CDK6: variants seen among roughly 807,000 people sequenced by gnomAD.
The protein encoded by CDK6 is cyclin dependent kinase 6, also known as cyclin-dependent kinase 6.
Under a neutral mutation model 37.1 loss-of-function variants are expected in CDK6, and 6 were observed. The observed-to-expected ratio is 0.16, with a 90% CI of 0.09 to 0.32. The LOEUF (loss-of-function observed/expected upper bound fraction) is 0.32, where lower values mean the gene tolerates loss of function less well. Among genes scored for constraint, CDK6 ranks in the 10% least tolerant of loss-of-function variants. The pLI, the probability that CDK6 is intolerant of heterozygous loss-of-function variation, is 1.00. For missense variants in CDK6, 224 were observed against 418.9 expected, an observed-to-expected ratio of 0.53 and a Z score of 4.06; for synonymous variants, 160 against 161.3, an observed-to-expected ratio of 0.99 and a Z score of 0.06.
intron 2 of CDK6, among the ~76,000 whole-genome samples, chr7:92,823,756 T>C (rs998834360): frequency 3.9e-5 from 6 of 152,144 alleles, no homozygotes; most frequent in African/African-American, 9.6e-5. Flanking sequence ...TAAAATGTAC[T>C]GGTCTGAGTA....
At chr7:92,742,580 A>C (rs1480906783) in intron 3 of CDK6, among the ~76,000 whole-genome samples, 2 of 152,198 alleles carry the variant, frequency 1.3e-5, no homozygotes, top group African/African-American at 4.8e-5. Flanking sequence ...TTTTACACTC[A>C]TCCCAAAATA....
intron 3 of CDK6, among the ~76,000 whole-genome samples, chr7:92,768,360 G>A (rs1036353981): frequency 2.0e-5 from 3 of 152,224 alleles, no homozygotes; most frequent in Admixed American, 1.3e-4. Flanking sequence ...CCATCTTACA[G>A]TAAAAGATGG....
At chr7:92,649,243 T>G (rs1205738199) in intron 5 of CDK6, among the ~76,000 whole-genome samples, 1 of 152,188 alleles carries the variant, frequency 6.6e-6, no homozygotes, top group African/African-American at 2.4e-5. Context: ...TGAAACACTA[T>G]TCCATGAAAC....
chr7:92,791,243 G>A (rs770993207), intron 2 of CDK6, among the ~76,000 whole-genome samples: 19 of 152,126 alleles, frequency 1.2e-4, no homozygotes, highest in Non-Finnish European at 2.1e-4. Context: ...GGGACTTGGT[G>A]CCACCCTCAT....
intron 4 of CDK6, among the ~76,000 whole-genome samples, chr7:92,700,322 T>C (rs1197421103): frequency 6.6e-6 from 1 of 152,174 alleles, no homozygotes; most frequent in Admixed American, 6.5e-5. Context: ...AGGATTGAAA[T>C]TGGAGATGAT....
chr7:92,698,623 T>C (rs1346912560), intron 4 of CDK6, among the ~76,000 whole-genome samples: 1 of 152,212 alleles, frequency 6.6e-6, no homozygotes, highest in Admixed American at 6.5e-5. Flanking sequence ...AACTTGATTA[T>C]GTATTGTTTA....
chr7:92,673,137 G>A (rs1324147592), intron 4 of CDK6, among the ~76,000 whole-genome samples: 1 of 152,132 alleles, frequency 6.6e-6, no homozygotes, highest in Non-Finnish European at 1.5e-5. Flanking sequence ...AGCCCCAGTT[G>A]AGCTCTCAGC....
intron 2 of CDK6, among the ~76,000 whole-genome samples, chr7:92,819,077 T>C (rs1014810455): frequency 2.0e-5 from 3 of 152,022 alleles, no homozygotes; most frequent in African/African-American, 7.2e-5. Flanking sequence ...ACCATACAAA[T>C]GAAGCATATG....
intron 7 of CDK6, among the ~76,000 whole-genome samples, chr7:92,616,466 A>C (rs1332711717): frequency 6.6e-6 from 1 of 152,168 alleles, no homozygotes; most frequent in Non-Finnish European, 1.5e-5. Context: ...TCCCTATAGG[A>C]TCTTCTGAAC....
At position 92,667,730 on chromosome 7, in the gene CDK6, T is replaced by C. The variant is rs1796990767; in HGVS notation, c.647+3696A>G. On this transcript the variant is annotated intron_variant, in intron 5 of 7. Coordinates refer to ENST00000424848, the MANE Select transcript of CDK6 (RefSeq NM_001145306.2). ...CCATGTCTGGTTAATTTTTGTCTTT[T>C]TTGTAGAGACAGGGTTTCGCCATGT... Among the ~76,000 whole-genome samples, 4 of 152,040 alleles carry C rather than the reference T, an allele frequency of 2.6e-5. No individual in the cohort carries two copies. In the South Asian group the frequency reaches 8.3e-4, roughly 32 times the overall value.
intron 5 of CDK6, among the ~76,000 whole-genome samples, chr7:92,648,084 C>T (rs1023568808): frequency 2.6e-5 from 4 of 151,578 alleles, no homozygotes; most frequent in Admixed American, 1.3e-4. Flanking sequence ...TAACACAACC[C>T]GTGTGTGTGT....
At chr7:92,632,568 C>T (rs1221367861) in intron 5 of CDK6, among the ~76,000 whole-genome samples, 1 of 152,180 alleles carries the variant, frequency 6.6e-6, no homozygotes, top group Non-Finnish European at 1.5e-5. Flanking sequence ...GGTGATTAAT[C>T]AACAAAAGCT....
chr7:92,630,822 C>T (rs1436256787), intron 5 of CDK6, among the ~76,000 whole-genome samples: 2 of 152,142 alleles, frequency 1.3e-5, no homozygotes, highest in African/African-American at 4.8e-5. Flanking sequence ...TGACAACATG[C>T]TGGAAGGTCA....
chr7:92,775,080 C>A (rs147041137), intron 2 of CDK6, among the ~76,000 whole-genome samples: 1 of 152,158 alleles, frequency 6.6e-6, no homozygotes, highest in East Asian at 1.9e-4. Flanking sequence ...GAAAGCAACG[C>A]GCTTGGAGCA....
At chr7:92,828,487 T>C (rs1801389532) in intron 2 of CDK6, among the ~76,000 whole-genome samples, 1 of 152,230 alleles carries the variant, frequency 6.6e-6, no homozygotes, top group Admixed American at 6.5e-5. Flanking sequence ...CTTCCAACCC[T>C]AATATCCATG....
intron 4 of CDK6, among the ~76,000 whole-genome samples, chr7:92,691,277 T>C (rs1379709170): frequency 6.6e-6 from 1 of 152,188 alleles, no homozygotes; most frequent in Non-Finnish European, 1.5e-5. Flanking sequence ...TAATACTGTG[T>C]GGCTGGAAGT....
chr7:92,661,952 C>T (rs1028796363), intron 5 of CDK6, among the ~76,000 whole-genome samples: 2 of 152,086 alleles, frequency 1.3e-5, no homozygotes, highest in African/African-American at 4.8e-5. Flanking sequence ...GTGGAGGCTA[C>T]ATGTAGAGAC....
intron 3 of CDK6, among the ~76,000 whole-genome samples, chr7:92,733,461 G>A (rs896103907): frequency 1.3e-5 from 2 of 152,116 alleles, no homozygotes; most frequent in Admixed American, 6.5e-5. Flanking sequence ...CATGCAGATG[G>A]TTAGTCTCTG....
At chr7:92,829,311 A>G (rs1030001439) in intron 2 of CDK6, among the ~76,000 whole-genome samples, 9 of 152,216 alleles carry the variant, frequency 5.9e-5, no homozygotes, top group Non-Finnish European at 1.0e-4. Context: ...TAAACATCAC[A>G]AGTTTATTCA....
Sources: gnomAD v4.1 joint callset for allele counts (sites outside exome capture counted in the v4.1 genomes callset) on GRCh38, gnomAD v4.1.1 for gene constraint, MANE v1.5 for transcripts, NCBI Gene and HGNC (gene_info 2026-07-23, HGNC 2026-07-21) for gene names.